The following PTPRN2 variants were observed in gnomAD, a reference collection of about 807,000 sequenced individuals.
PTPRN2 encodes the protein receptor-type tyrosine-protein phosphatase N2.
In PTPRN2, 74 loss-of-function variants were observed where a neutral mutation model predicts 118.8. The observed-to-expected ratio is 0.62, with a 90% CI of 0.52 to 0.76. The LOEUF is 0.76. PTPRN2 is among the 30% of genes least tolerant of loss of function. PTPRN2 has a pLI of 0.00. For missense variants in PTPRN2, 1,481 were observed against 1,394.4 expected, an observed-to-expected ratio of 1.06 and a Z score of -0.99; for synonymous variants, 641 against 608.0, an observed-to-expected ratio of 1.05 and a Z score of -0.80.
At chr7:158,143,281 T>A (rs1167272714) in intron 6 of PTPRN2, among the ~76,000 whole-genome samples, 1 of 152,060 alleles carries the variant, frequency 6.6e-6, no homozygotes, top group Admixed American at 6.6e-5. Context: ...GGTCCCGGGC[T>A]CCACCAGGCG....
At chr7:158,331,013 A>G (rs1345909393) in intron 2 of PTPRN2, among the ~76,000 whole-genome samples, 1 of 133,942 alleles carries the variant, frequency 7.5e-6, no homozygotes, top group Non-Finnish European at 1.6e-5. Flanking sequence ...CGCAGACGTC[A>G]CTCACATCCA....
chr7:157,776,208 C>T, intron 12 of PTPRN2, among the ~76,000 whole-genome samples: 1 of 146,574 alleles, frequency 6.8e-6, no homozygotes, highest in Non-Finnish European at 1.5e-5. Context: ...CCCTCTCCTC[C>T]TCCATCTCCT....
In PTPRN2 at chr7:158,133,680, C is replaced by CT; in HGVS notation, c.1552dup (p.Arg518LysfsTer29). On this transcript the variant is annotated frameshift_variant, in exon 9 of 23. Transcript: ENST00000389418. LOFTEE classifies it high-confidence loss of function. ...CTTAGCCAGGGCTGCTACTCACTCT[C>CT]TGTCTGTCACGATGTAGCCCCGCGC... 4 of 1,574,878 alleles carry CT rather than the reference C, an allele frequency of 2.5e-6. No individual in the cohort carries two copies. Among genetic ancestry groups the CT allele is most frequent in the Non-Finnish European group, 3.4e-6 (4 of 1,160,692 alleles).
chr7:158,192,183 A>G, intron 5 of PTPRN2, 144 bp downstream of exon 5: 1 of 977,190 alleles, frequency 1.0e-6, no homozygotes, highest in Non-Finnish European at 1.4e-6. Flanking sequence ...CCCCAGGAAC[A>G]CCGAAGCCCT....
chr7:157,894,130 G>A (rs1180656595), intron 12 of PTPRN2, among the ~76,000 whole-genome samples: 1 of 152,218 alleles, frequency 6.6e-6, no homozygotes, highest in Non-Finnish European at 1.5e-5. Context: ...TCACTAAACT[G>A]AGGCTGAGCA....
At chr7:158,437,859 T>A (rs1462681117) in intron 2 of PTPRN2, among the ~76,000 whole-genome samples, 2 of 152,244 alleles carry the variant, frequency 1.3e-5, no homozygotes, top group African/African-American at 4.8e-5. Flanking sequence ...ACTTTCTCTT[T>A]GGGATCCAGT....
chr7:158,501,250 T>C (rs1171744942), intron 1 of PTPRN2, among the ~76,000 whole-genome samples: 1 of 152,188 alleles, frequency 6.6e-6, no homozygotes, highest in African/African-American at 2.4e-5. Context: ...TATCATCTCT[T>C]GTGTTTTAAG....
intron 2 of PTPRN2, among the ~76,000 whole-genome samples, chr7:158,327,365 T>TCA (rs1445346024): frequency 8.0e-6 from 1 of 125,128 alleles, no homozygotes; most frequent in African/African-American, 2.8e-5. Flanking sequence ...GTACACATTG[T>TCA]CACACACACA....
rs555265898 is a variant in PTPRN2, at chr7:157,698,924, A to G, written c.1789-15987T>C. ...ATGTTTGTAAGAAAGACTCATTACC[A>G]CATGAACAAGAATCTAACTTTTTTG... is the stretch of plus-strand genomic sequence containing the variant. On this transcript the variant is annotated intron_variant, in intron 12 of 22. Coordinates refer to ENST00000389418, the MANE Select transcript of PTPRN2 (RefSeq NM_002847.5). Among the ~76,000 whole-genome samples, 59 of 152,374 alleles carry G rather than the reference A, an allele frequency of 3.9e-4. No homozygotes were observed. The South Asian group carries it at 9.9e-3, about 26-fold the overall frequency.
At chr7:158,522,242 TCC>T in intron 1 of PTPRN2, among the ~76,000 whole-genome samples, 1 of 64,700 alleles carries the variant, frequency 1.5e-5, no homozygotes, top group Non-Finnish European at 2.9e-5. Flanking sequence ...AGGAGGGAGG[TCC>T]ACGTCACAAT....
chr7:158,414,088 AAAG>A (rs1814429762), intron 2 of PTPRN2, among the ~76,000 whole-genome samples: 1 of 151,354 alleles, frequency 6.6e-6, no homozygotes, highest in Admixed American at 6.6e-5. Flanking sequence ...AAAAAAAAAA[AAAG>A]GAAGCAAGGG....
intron 12 of PTPRN2, among the ~76,000 whole-genome samples, chr7:157,796,834 C>A (rs1804897471): frequency 6.6e-6 from 1 of 152,184 alleles, no homozygotes; most frequent in South Asian, 2.1e-4. Flanking sequence ...ATCATGAGAA[C>A]AGCAAGGAGA....
chr7:157,551,028 C>T lies in PTPRN2; in HGVS notation c.2903-2009G>A, dbSNP rs556978843. ...CCATGACTGTGGCGGCCAAGGAAGC[C>T]GCTTCCTCTCCTCCTCCTCCTCCCA... On this transcript the variant is annotated intron_variant, in intron 21 of 22. Transcript: ENST00000389418. 3.9e-5 allele frequency among the ~76,000 whole-genome samples: 6 copies of T among 152,248 alleles called. No individual in the cohort carries two copies. In the South Asian group the frequency reaches 6.2e-4, roughly 16 times the overall value.
chr7:157,543,123 G>C (rs1798093077), intron 22 of PTPRN2, among the ~76,000 whole-genome samples: 1 of 152,314 alleles, frequency 6.6e-6, no homozygotes, highest in East Asian at 1.9e-4. Context: ...TTTCAAAGGA[G>C]TAAAATACAA....
At chr7:157,806,006 T>G (rs1445676960) in intron 12 of PTPRN2, among the ~76,000 whole-genome samples, 1 of 152,120 alleles carries the variant, frequency 6.6e-6, no homozygotes, top group Non-Finnish European at 1.5e-5. Flanking sequence ...TGAGTGCACC[T>G]GAAAGGCCCA....
intron 12 of PTPRN2, among the ~76,000 whole-genome samples, chr7:157,819,488 C>A (rs1489850659): frequency 6.6e-6 from 1 of 151,932 alleles, no homozygotes; most frequent in Non-Finnish European, 1.5e-5. Flanking sequence ...GAGCACACAC[C>A]GAGCGGCCGC....
chr7:158,187,577 T>G (rs1825279746), intron 5 of PTPRN2, among the ~76,000 whole-genome samples: 1 of 152,222 alleles, frequency 6.6e-6, no homozygotes, highest in Admixed American at 6.5e-5. Context: ...GACTAAGAGC[T>G]TTCTCCTCAT....
chr7:157,978,065 A>C (rs1255469228), intron 11 of PTPRN2, among the ~76,000 whole-genome samples: 1 of 152,042 alleles, frequency 6.6e-6, no homozygotes, highest in African/African-American at 2.4e-5. Flanking sequence ...ATGACAGGTC[A>C]GGTGGACCTG....
intron 6 of PTPRN2, among the ~76,000 whole-genome samples, chr7:158,166,685 C>T (rs1823032657): frequency 1.3e-5 from 2 of 152,102 alleles, no homozygotes; most frequent in African/African-American, 4.8e-5. Context: ...GTCAGGATCA[C>T]CTCCCGCCTC....
Sources: allele counts gnomAD v4.1 joint callset (sites outside exome capture counted in the v4.1 genomes callset), GRCh38; gene constraint gnomAD v4.1.1; transcripts MANE v1.5; gene names NCBI Gene and HGNC (gene_info 2026-07-23, HGNC 2026-07-21).